The following PRR16 variants were observed in gnomAD, a reference collection of about 807,000 sequenced individuals.
PRR16 encodes protein Largen.
Under a neutral mutation model 18.2 loss-of-function variants are expected in PRR16, and 6 were observed. The observed-to-expected ratio is 0.33, with a 90% CI of 0.18 to 0.65. The LOEUF (loss-of-function observed/expected upper bound fraction) is 0.65. PRR16 is among the 30% of genes least tolerant of loss of function. The pLI is 0.74. For missense variants in PRR16, 412 were observed against 376.6 expected (o/e 1.09, Z -0.78); for synonymous variants, 151 against 147.8 (o/e 1.02, Z -0.16).
chr5:120,494,876 T>A (rs966946388), intron 1 of PRR16, among the ~76,000 whole-genome samples: 6 of 152,058 alleles, frequency 3.9e-5, no homozygotes, highest in Admixed American at 6.6e-5. Flanking sequence ...TTTTGGTCCT[T>A]TATAAAAAAA....
intron 1 of PRR16, among the ~76,000 whole-genome samples, chr5:120,667,262 C>T (rs1315374789): frequency 6.6e-6 from 1 of 152,030 alleles, no homozygotes; most frequent in Non-Finnish European, 1.5e-5. Context: ...GTAGTATTCT[C>T]TGATGGTAGT....
chr5:120,633,884 A>T (rs1190697515), intron 1 of PRR16, among the ~76,000 whole-genome samples: 1 of 152,110 alleles, frequency 6.6e-6, no homozygotes, highest in East Asian at 1.9e-4. Flanking sequence ...TAGATAGGTC[A>T]TCAAGACAGA....
chr5:120,570,691 A>G (rs562276747), intron 1 of PRR16, among the ~76,000 whole-genome samples: 34 of 152,142 alleles, frequency 2.2e-4, no homozygotes, highest in Non-Finnish European at 3.8e-4. Flanking sequence ...TTTGATGTAT[A>G]TTCACAAAAT....
At chr5:120,583,719 T>C (rs936458948) in intron 1 of PRR16, among the ~76,000 whole-genome samples, 1 of 152,024 alleles carries the variant, frequency 6.6e-6, no homozygotes, top group Non-Finnish European at 1.5e-5. Flanking sequence ...AGGGTGGTAT[T>C]GTTTGTTGTT....
chr5:120,628,247 T>C (rs976252805), intron 1 of PRR16, among the ~76,000 whole-genome samples: 33 of 152,114 alleles, frequency 2.2e-4, no homozygotes, highest in African/African-American at 7.0e-4. Flanking sequence ...GTATCTTTTT[T>C]CATAAAGCAA....
intron 1 of PRR16, among the ~76,000 whole-genome samples, chr5:120,477,090 C>T (rs899337508): frequency 3.3e-5 from 5 of 152,108 alleles, no homozygotes; most frequent in African/African-American, 1.2e-4. Context: ...TTCACTTATT[C>T]CTCCTCTAGG....
At chr5:120,515,979 C>G (rs1750976999) in intron 1 of PRR16, among the ~76,000 whole-genome samples, 1 of 152,106 alleles carries the variant, frequency 6.6e-6, no homozygotes, top group African/African-American at 2.4e-5. Context: ...TAGTGTTTTT[C>G]TTTTTCTATA....
At chr5:120,714,170 C>T in the PRR16 span, among the ~76,000 whole-genome samples, 2 of 151,580 alleles carry the variant, frequency 1.3e-5, no homozygotes, top group African/African-American at 4.8e-5. Context: ...GCCAAAATGG[C>T]AAGTGTGATT....
At chr5:120,761,729 C>A in the PRR16 span, among the ~76,000 whole-genome samples, 1 of 151,812 alleles carries the variant, frequency 6.6e-6, no homozygotes, top group Non-Finnish European at 1.5e-5. Flanking sequence ...CATTTCAAAT[C>A]CTCTCTTCTA....
chr5:120,467,805 A>G (rs528226536), intron 1 of PRR16, among the ~76,000 whole-genome samples: 1 of 152,298 alleles, frequency 6.6e-6, no homozygotes, highest in African/African-American at 2.4e-5. Flanking sequence ...TAAAATCTCA[A>G]ATAATTTGAC....
chr5:120,607,418 T>C (rs984197624), intron 1 of PRR16, among the ~76,000 whole-genome samples: 1 of 152,218 alleles, frequency 6.6e-6, no homozygotes, highest in African/African-American at 2.4e-5. Context: ...TTTTTCTCTT[T>C]TGGAGATAAA....
At chr5:120,724,926 A>T in the PRR16 span, among the ~76,000 whole-genome samples, 3,491 of 152,054 alleles carry the variant, frequency 0.023, 145 homozygotes, top group African/African-American at 0.078. Flanking sequence ...AATTAAAAAA[A>T]ATATATATAG....
intron 1 of PRR16, among the ~76,000 whole-genome samples, chr5:120,676,722 C>T (rs1193611642): frequency 2.0e-5 from 3 of 152,208 alleles, no homozygotes; most frequent in South Asian, 4.1e-4. Flanking sequence ...CGATTGGCCT[C>T]ATCTCTAAGA....
downstream of PRR16, among the ~76,000 whole-genome samples, chr5:120,689,076 T>C (rs1256497604): frequency 6.6e-6 from 1 of 152,180 alleles, no homozygotes; most frequent in African/African-American, 2.4e-5. Context: ...CCAAATGTTA[T>C]AGTTTTGACC....
rs201190978 is a variant in PRR16, at chr5:120,628,666, C to CCTAT, written c.160-57270_160-57267dup. Among the ~76,000 whole-genome samples, 47 of 136,550 alleles carry CCTAT rather than the reference C, an allele frequency of 3.4e-4. 1 individual carries two copies. Among genetic ancestry groups the CCTAT allele is most frequent in the East Asian group, 2.4e-3 (12 of 4,980 alleles). The allele number at this position is 136,550 out of a possible 152,430, so 89.6% of individuals were successfully genotyped here. ...TTTCTACCTTCTATCTATCTACCTA[C>CCTAT]CTATCTATCTATCTATCTATCATTC... is the stretch of plus-strand genomic sequence containing the variant. On this transcript the variant is annotated intron_variant, in intron 1 of 1. Transcript: ENST00000407149.
At chr5:120,562,698 C>T (rs1463566708) in intron 1 of PRR16, among the ~76,000 whole-genome samples, 2 of 151,978 alleles carry the variant, frequency 1.3e-5, no homozygotes, top group Admixed American at 6.6e-5. Context: ...TGTCTTATAA[C>T]TCATTATTTT....
At chr5:120,575,198 G>A (rs1460967462) in intron 1 of PRR16, among the ~76,000 whole-genome samples, 1 of 152,002 alleles carries the variant, frequency 6.6e-6, no homozygotes, top group Admixed American at 6.6e-5. Context: ...TGGGGATCTT[G>A]GAACATGGAT....
At chr5:120,695,333 C>G in the PRR16 span, among the ~76,000 whole-genome samples, 1 of 152,016 alleles carries the variant, frequency 6.6e-6, no homozygotes, top group African/African-American at 2.4e-5. Flanking sequence ...TTAAAATTAG[C>G]TCCTCCATAT....
the PRR16 span, among the ~76,000 whole-genome samples, chr5:120,727,806 A>G: frequency 6.6e-6 from 1 of 152,058 alleles, no homozygotes; most frequent in South Asian, 2.1e-4. Flanking sequence ...ATATGAAAAT[A>G]TAGAAAATAA....
Sources: gnomAD v4.1 joint callset for allele counts (sites outside exome capture counted in the v4.1 genomes callset) on GRCh38, gnomAD v4.1.1 for gene constraint, MANE v1.5 for transcripts, NCBI Gene and HGNC (gene_info 2026-07-23, HGNC 2026-07-21) for gene names.